Variants in CDH19 observed in about 807,000 individuals in gnomAD.
CDH19 encodes the protein cadherin-19.
A neutral mutation model predicts 64.2 loss-of-function variants in CDH19; 67 were observed. The observed-to-expected ratio is 1.04, with a 90% CI of 0.86 to 1.28. CDH19 has a LOEUF of 1.28. Ranked by LOEUF, CDH19 falls within the 50% of genes most tolerant of loss-of-function variation. The pLI is 0.00. For missense variants in CDH19, 1,030 were observed against 929.0 expected, an observed-to-expected ratio of 1.11 and a Z score of -1.41; for synonymous variants, 346 against 319.3, an observed-to-expected ratio of 1.08 and a Z score of -0.89.
intron 8 of CDH19, among the ~76,000 whole-genome samples, chr18:66,533,142 C>T (rs1165319397): frequency 3.3e-5 from 5 of 151,374 alleles, no homozygotes; most frequent in South Asian, 2.1e-4. Flanking sequence ...ATTTTCCCAA[C>T]AATAACAGTT....
chr18:66,525,613 T>A (rs1986192436), intron 9 of CDH19, among the ~76,000 whole-genome samples: 1 of 152,152 alleles, frequency 6.6e-6, no homozygotes, highest in Non-Finnish European at 1.5e-5. Flanking sequence ...GTGATAGCCA[T>A]AATTCCTGGA....
intron 3 of CDH19, among the ~76,000 whole-genome samples, chr18:66,564,895 T>A (rs1258917270): frequency 3.3e-5 from 5 of 151,562 alleles, no homozygotes; most frequent in African/African-American, 1.2e-4. Flanking sequence ...TATAAGGTTT[T>A]AGGTAAAACT....
intron 4 of CDH19, 152 bp from the exon 5 acceptor site, chr18:66,551,410 A>T: frequency 1.7e-6 from 1 of 581,460 alleles, no homozygotes; most frequent in Non-Finnish European, 3.0e-6. Context: ...AATAAAAAAT[A>T]AATTAAACAT....
intron 9 of CDH19, among the ~76,000 whole-genome samples, chr18:66,515,002 A>G (rs543794239): frequency 6.6e-6 from 1 of 151,824 alleles, no homozygotes; most frequent in African/African-American, 2.4e-5. Context: ...AAATTGTTGA[A>G]TAGGATTATA....
chr18:66,574,959 GC>G (rs1434791110), intron 1 of CDH19, among the ~76,000 whole-genome samples: 1 of 151,786 alleles, frequency 6.6e-6, no homozygotes, highest in Non-Finnish European at 1.5e-5. Flanking sequence ...AAAGAGATCA[GC>G]TGAATTGAAA....
chr18:66,530,292 A>G (rs1417936790), intron 8 of CDH19, among the ~76,000 whole-genome samples: 1 of 152,090 alleles, frequency 6.6e-6, no homozygotes, highest in Non-Finnish European at 1.5e-5. Flanking sequence ...GGAACCATTT[A>G]AAGTTTTGTA....
At chr18:66,524,129 T>C (rs1225765101) in intron 9 of CDH19, among the ~76,000 whole-genome samples, 1 of 152,194 alleles carries the variant, frequency 6.6e-6, no homozygotes, top group Non-Finnish European at 1.5e-5. Context: ...TTCTAAACAT[T>C]CTTTGTCCTT....
intron 7 of CDH19, among the ~76,000 whole-genome samples, chr18:66,538,046 G>C (rs1173899515): frequency 6.6e-6 from 1 of 151,850 alleles, no homozygotes; most frequent in Admixed American, 6.6e-5. Context: ...ACTATCTACA[G>C]CATATTTACT....
chr18:66,517,256 T>C (rs1019851128), intron 9 of CDH19, among the ~76,000 whole-genome samples: 17 of 151,936 alleles, frequency 1.1e-4, no homozygotes, highest in Admixed American at 9.8e-4. Flanking sequence ...ACCACTGAAA[T>C]TTAGGAAAAA....
At chr18:66,535,200 A>AG in intron 7 of CDH19, 93 bp from the exon 8 acceptor site, 1 of 660,158 alleles carries the variant, frequency 1.5e-6, no homozygotes, top group Non-Finnish European at 2.3e-6. Flanking sequence ...ATCTTATTCA[A>AG]TGCATGCTCT....
chr18:66,597,690 C>T (rs72936296), intron 1 of CDH19, among the ~76,000 whole-genome samples: 18,129 of 152,058 alleles, frequency 0.12, 1,376 homozygotes, highest in Middle Eastern at 0.2. Context: ...AAAATATTTG[C>T]AAACTATTCA....
intron 3 of CDH19, among the ~76,000 whole-genome samples, chr18:66,556,073 A>G (rs1444554736): frequency 6.6e-6 from 1 of 151,706 alleles, no homozygotes; most frequent in Admixed American, 6.6e-5. Context: ...AGGTGACCTC[A>G]CACTTTGATG....
At chr18:66,583,217 T>G (rs541884352) in intron 1 of CDH19, among the ~76,000 whole-genome samples, 1 of 152,126 alleles carries the variant, frequency 6.6e-6, no homozygotes, top group African/African-American at 2.4e-5. Context: ...ATCAGACATA[T>G]AAGCATTGAT....
intron 1 of CDH19, among the ~76,000 whole-genome samples, chr18:66,573,137 C>T (rs1219570474): frequency 6.6e-6 from 1 of 151,752 alleles, no homozygotes; most frequent in African/African-American, 2.4e-5. Flanking sequence ...ACCTCTAATC[C>T]TTATATGTAA....
Position 66,502,644 on chromosome 18 carries a change from C to T in CDH19, c.*2168G>A, listed in dbSNP as rs1283726863. 1.3e-5 allele frequency: 2 copies of T among 151,912 alleles called. No individual in the cohort carries two copies. Among genetic ancestry groups the T allele is most frequent in the Non-Finnish European group, 2.9e-5 (2 of 67,900 alleles). The allele number at this position is 151,912 out of a possible 1,614,324, so 9.4% of individuals were successfully genotyped here. ...ATTCATGAAAATTTCTCTGACTATA[C>T]ATTTTCAATTTTCATGTCAATGTGA... On this transcript the variant is annotated 3_prime_UTR_variant, in exon 12 of 12. Transcript: ENST00000262150.
chr18:66,539,349 A>G (rs1404874559), intron 7 of CDH19, among the ~76,000 whole-genome samples: 2 of 152,058 alleles, frequency 1.3e-5, no homozygotes, highest in Non-Finnish European at 2.9e-5. Flanking sequence ...CTTGTTTCCA[A>G]TCTTAGGAAA....
At chr18:66,561,465 C>G (rs910592814) in intron 3 of CDH19, among the ~76,000 whole-genome samples, 1 of 152,206 alleles carries the variant, frequency 6.6e-6, no homozygotes, top group South Asian at 2.1e-4. Context: ...TCCTATTATT[C>G]CCTGCAATAC....
chr18:66,532,925 T>C (rs1045674248), intron 8 of CDH19, among the ~76,000 whole-genome samples: 2 of 152,006 alleles, frequency 1.3e-5, no homozygotes, highest in Non-Finnish European at 2.9e-5. Flanking sequence ...ATCTAGATAA[T>C]ATTTAACTTG....
Position 66,574,132 on chromosome 18 carries a change from T to C in CDH19, c.-112-1816A>G, listed in dbSNP as rs558140299. Among the ~76,000 whole-genome samples the C allele has an allele frequency of 4.0e-5, 6 of 151,832 alleles. No individual in the cohort carries two copies. The South Asian group carries it at 1.2e-3, about 31-fold the overall frequency. On this transcript the variant is annotated intron_variant, in intron 1 of 11. Transcript: ENST00000262150. Reference sequence around the variant, plus strand: ...CTACAGGTTTCCTCCAATTTTTCTTTCCGTTTATATGCTGAAGAGTCAAGG... The same window carrying C: ...CTACAGGTTTCCTCCAATTTTTCTTCCCGTTTATATGCTGAAGAGTCAAGG...
Sources: gnomAD v4.1 joint callset for allele counts (sites outside exome capture counted in the v4.1 genomes callset) on GRCh38, gnomAD v4.1.1 for gene constraint, MANE v1.5 for transcripts, NCBI Gene and HGNC (gene_info 2026-07-23, HGNC 2026-07-21) for gene names.